Variants in NPEPPS observed in about 807,000 individuals in gnomAD.
NPEPPS encodes aminopeptidase puromycin sensitive.
NPEPPS carries 14 observed loss-of-function variants against 115.5 expected under a neutral mutation model. The observed-to-expected ratio is 0.12, with a 90% CI of 0.08 to 0.19. The LOEUF is 0.19. Among genes scored for constraint, NPEPPS ranks in the 10% least tolerant of loss-of-function variants. The probability of loss-of-function intolerance (pLI) is 1.00; values close to 1 mark genes in which losing one functional copy is unlikely to be tolerated. For synonymous variants in NPEPPS, 285 were observed against 390.6 expected, an observed-to-expected ratio of 0.73 and a Z score of 3.19; for missense variants, 523 against 1,110.8, an observed-to-expected ratio of 0.47 and a Z score of 7.52.
chr17:47,583,044 C>T (rs1269426330), intron 5 of NPEPPS, among the ~76,000 whole-genome samples, 195 bp downstream of exon 5: 2 of 139,946 alleles, frequency 1.4e-5, no homozygotes, highest in African/African-American at 5.3e-5. Flanking sequence ...GTTGGGGTCT[C>T]ATTATGTTGC....
At chr17:47,589,040 T>C (rs1912353194) in intron 9 of NPEPPS, among the ~76,000 whole-genome samples, 1 of 152,144 alleles carries the variant, frequency 6.6e-6, no homozygotes, top group Non-Finnish European at 1.5e-5. Context: ...CTCTGCCTCC[T>C]GAGTAGCTGC....
chr17:47,537,422 G>T (rs1459571513), intron 1 of NPEPPS, among the ~76,000 whole-genome samples: 1 of 151,972 alleles, frequency 6.6e-6, no homozygotes, highest in East Asian at 1.9e-4. Context: ...GGCTGGGTGT[G>T]GTGGCTCACG....
chr17:47,597,087 A>T (rs935515663), intron 13 of NPEPPS, among the ~76,000 whole-genome samples: 1 of 152,192 alleles, frequency 6.6e-6, no homozygotes, highest in African/African-American at 2.4e-5. Context: ...TATAATCACT[A>T]CATAAACAGA....
intron 9 of NPEPPS, among the ~76,000 whole-genome samples, chr17:47,589,116 G>A (rs1912358483): frequency 6.6e-6 from 1 of 151,774 alleles, no homozygotes; most frequent in African/African-American, 2.4e-5. Flanking sequence ...AGGTTTCACT[G>A]TATTGCCTTT....
chr17:47,558,486 G>A (rs937676835), intron 2 of NPEPPS, among the ~76,000 whole-genome samples: 5 of 152,208 alleles, frequency 3.3e-5, no homozygotes, highest in Middle Eastern at 3.4e-3. Flanking sequence ...CTGGAGTGCA[G>A]TGGCTAGATC....
At chr17:47,616,289 G>A (rs952837078) in intron 19 of NPEPPS, among the ~76,000 whole-genome samples, 1 of 152,164 alleles carries the variant, frequency 6.6e-6, no homozygotes, top group African/African-American at 2.4e-5. Flanking sequence ...AGGCGTGGTG[G>A]TTCATGCCTG....
At chr17:47,524,783 C>T (rs1289812141) in intron 1 of NPEPPS, among the ~76,000 whole-genome samples, 3 of 150,790 alleles carry the variant, frequency 2.0e-5, no homozygotes, top group Non-Finnish European at 4.4e-5. Flanking sequence ...GGATTACAGG[C>T]GTGAGCCACC....
intron 1 of NPEPPS, among the ~76,000 whole-genome samples, chr17:47,536,431 T>C (rs139112908): frequency 0.11 from 16,655 of 144,876 alleles, 1,305 homozygotes; most frequent in Non-Finnish European, 0.17. Context: ...TCGCTCTTGT[T>C]GCACAGGCTG....
At chr17:47,614,406 GGTTT>G (rs1280046585) in intron 19 of NPEPPS, among the ~76,000 whole-genome samples, 26 of 152,306 alleles carry the variant, frequency 1.7e-4, no homozygotes, top group Admixed American at 8.5e-4. Flanking sequence ...TCTGTGCTTA[GGTTT>G]GTTTTTGTGC....
At chr17:47,621,547 A>G (rs1567876335) in intron 22 of NPEPPS, among the ~76,000 whole-genome samples, 5 of 152,176 alleles carry the variant, frequency 3.3e-5, no homozygotes, top group Admixed American at 2.0e-4. Flanking sequence ...TCTCTTTATT[A>G]ACTTTTGATT....
intron 1 of NPEPPS, among the ~76,000 whole-genome samples, chr17:47,536,053 G>A (rs1381519961): frequency 6.6e-6 from 1 of 152,024 alleles, no homozygotes; most frequent in Non-Finnish European, 1.5e-5. Context: ...TGGCCAGGAT[G>A]GTCTTGATCT....
chr17:47,533,691 T>C, intron 1 of NPEPPS, among the ~76,000 whole-genome samples: 1 of 152,126 alleles, frequency 6.6e-6, no homozygotes, highest in Non-Finnish European at 1.5e-5. Flanking sequence ...TCTCCTTACC[T>C]CTTTTCTACT....
chr17:47,549,774 C>T (rs1909500748), intron 2 of NPEPPS, among the ~76,000 whole-genome samples: 1 of 111,826 alleles, frequency 8.9e-6, no homozygotes, highest in Non-Finnish European at 1.7e-5. Context: ...GAGCAAGACT[C>T]TGTCTCAAAA....
At position 47,531,453 on chromosome 17, in the gene NPEPPS, C is replaced by G. The variant is rs746589578; in HGVS notation, c.153C>G (p.Phe51Leu). Residue 51 changes from phenylalanine (F) to leucine (L), a missense_variant, in exon 1 of 23, where the codon TTC (phenylalanine) becomes TTG (leucine). Phe to Leu is a conservative substitution (Grantham distance 22, BLOSUM62 0). This residue lies in a region of NPEPPS where 144 missense variants were observed against 512.4 expected (regional missense o/e 0.28). Transcript: ENST00000322157. ...CCGCGATGCCGGAGAAGAGGCCCTT[C>G]GAGCGGCTGCCTGCCGATGTCTCCC... ...GLAAMPEKRP[F>L]ERLPADVSPI... The G allele has an allele frequency of 1.3e-6, 2 of 1,570,244 alleles. No individual in the cohort carries two copies. Among genetic ancestry groups the G allele is most frequent in the South Asian group, 1.2e-5 (1 of 85,746 alleles).
chr17:47,526,792 A>G (rs1416504998), upstream of NPEPPS, among the ~76,000 whole-genome samples: 1 of 151,816 alleles, frequency 6.6e-6, no homozygotes, highest in African/African-American at 2.4e-5. Flanking sequence ...CCCTGTCTCT[A>G]CTAAAAATAC....
intron 1 of NPEPPS, among the ~76,000 whole-genome samples, chr17:47,543,463 G>A (rs377264656): frequency 4.7e-5 from 7 of 149,382 alleles, no homozygotes; most frequent in East Asian, 2.0e-4. Flanking sequence ...GATTACAGGC[G>A]CGCACCACAG....
intron 17 of NPEPPS, among the ~76,000 whole-genome samples, chr17:47,606,119 C>T (rs1413746007): frequency 6.6e-6 from 1 of 152,018 alleles, no homozygotes; most frequent in African/African-American, 2.4e-5. Context: ...TCAGGTGATC[C>T]GCCTGCCTCG....
intron 15 of NPEPPS, among the ~76,000 whole-genome samples, chr17:47,603,140 A>G (rs1913319840): frequency 6.6e-6 from 1 of 152,176 alleles, no homozygotes; most frequent in Admixed American, 6.5e-5. Context: ...TGCAGTTGCC[A>G]GGTGTAGTGG....
intron 3 of NPEPPS, among the ~76,000 whole-genome samples, chr17:47,578,217 AG>A (rs1249345378): frequency 2.4e-3 from 142 of 58,620 alleles, no homozygotes; most frequent in African/African-American, 4.9e-3. Flanking sequence ...AAAAAAAAAA[AG>A]AGAGAAAGTC....
Sources: gnomAD v4.1 joint callset for allele counts (sites outside exome capture counted in the v4.1 genomes callset) on GRCh38, gnomAD v4.1.1 for gene constraint, gnomAD v4.1.1 regional missense constraint, MANE v1.5 for transcripts, NCBI Gene and HGNC (gene_info 2026-07-23, HGNC 2026-07-21) for gene names.